Variants in CLEC2A observed in about 807,000 individuals in gnomAD.
CLEC2A encodes C-type lectin domain family 2 member A.
CLEC2A carries 19 observed loss-of-function variants against 18.6 expected under a neutral mutation model. The ratio of observed to expected loss-of-function variants is 1.02; its 90% CI spans 0.71 to 1.50. The LOEUF is 1.50. Among genes scored for constraint, CLEC2A ranks in the 40% most tolerant of loss-of-function variants. The pLI, the probability that CLEC2A is intolerant of heterozygous loss-of-function variation, is 0.00. For missense variants in CLEC2A, 190 were observed against 207.9 expected (o/e 0.91, Z 0.53); for synonymous variants, 74 against 64.0 (o/e 1.16, Z -0.75).
At chr12:9,904,512 C>T (rs1283018499) in intron 4 of CLEC2A, among the ~76,000 whole-genome samples, 1 of 152,158 alleles carries the variant, frequency 6.6e-6, no homozygotes, top group Non-Finnish European at 1.5e-5. Context: ...ACAACCATTA[C>T]CTTAGTTGGG....
downstream of CLEC2A, among the ~76,000 whole-genome samples, chr12:9,898,051 AG>A (rs1461574983): frequency 2.0e-5 from 3 of 152,252 alleles, no homozygotes; most frequent in Admixed American, 6.5e-5. Context: ...GCATAAAATG[AG>A]TATTTGAAGG....
At chr12:9,892,653 C>T in the CLEC2A span, among the ~76,000 whole-genome samples, 2 of 144,872 alleles carry the variant, frequency 1.4e-5, no homozygotes, top group South Asian at 4.4e-4. Context: ...GGCTCGATCA[C>T]GGCTCACCGC....
intron 2 of CLEC2A, among the ~76,000 whole-genome samples, chr12:9,924,667 T>C (rs1444675013): frequency 6.6e-6 from 1 of 152,192 alleles, no homozygotes; most frequent in Admixed American, 6.6e-5. Context: ...TTTACAAATA[T>C]TGCAATTCCA....
intron 1 of CLEC2A, among the ~76,000 whole-genome samples, chr12:9,930,506 C>T (rs1273597493): frequency 6.6e-6 from 1 of 152,028 alleles, no homozygotes; most frequent in Non-Finnish European, 1.5e-5. Flanking sequence ...TTTCTAATAG[C>T]CACCATTTGA....
At chr12:9,911,678 A>G (rs1862988591), downstream of CLEC2A, among the ~76,000 whole-genome samples, 1 of 152,250 alleles carries the variant, frequency 6.6e-6, no homozygotes, top group Non-Finnish European at 1.5e-5. Flanking sequence ...CCTTAAAAAA[A>G]TACTTGATCC....
intron 4 of CLEC2A, among the ~76,000 whole-genome samples, chr12:9,907,785 T>A (rs1392395693): frequency 6.6e-6 from 1 of 152,190 alleles, no homozygotes; most frequent in Non-Finnish European, 1.5e-5. Flanking sequence ...CCATCAGTAC[T>A]GTTGTTTCTG....
At chr12:9,926,434 T>A in intron 1 of CLEC2A, 91 bp from the exon 2 acceptor site, 1 of 790,328 alleles carries the variant, frequency 1.3e-6, no homozygotes, top group Non-Finnish European at 2.1e-6. Flanking sequence ...TAATTGTTAA[T>A]CAGGAAACCC....
chr12:9,923,392 C>CTTACTGT, intron 2 of CLEC2A, among the ~76,000 whole-genome samples: 4 of 151,648 alleles, frequency 2.6e-5, no homozygotes, highest in African/African-American at 7.3e-5. Flanking sequence ...CATCTCGCAC[C>CTTACTGT]AGTTAGAATG....
At chr12:9,888,781 G>A in the CLEC2A span, 25 of 1,496,098 alleles carry the variant, frequency 1.7e-5, no homozygotes, top group Non-Finnish European at 2.2e-5. Flanking sequence ...AGTCTATCAG[G>A]TAATACTCTT....
intron 1 of CLEC2A, among the ~76,000 whole-genome samples, chr12:9,930,931 A>G (rs1385285453): frequency 1.3e-5 from 2 of 151,894 alleles, no homozygotes; most frequent in East Asian, 3.9e-4. Flanking sequence ...AGTGTTCTTT[A>G]TTTCAAACAC....
intron 1 of CLEC2A, among the ~76,000 whole-genome samples, chr12:9,928,291 C>A (rs532642724): frequency 6.6e-6 from 1 of 152,200 alleles, no homozygotes; most frequent in African/African-American, 2.4e-5. Context: ...CATGGTGAGA[C>A]CCCTTCTCTA....
At chr12:9,889,862 T>C in the CLEC2A span, among the ~76,000 whole-genome samples, 4 of 152,096 alleles carry the variant, frequency 2.6e-5, no homozygotes, top group Admixed American at 2.0e-4. Context: ...ATATATAAAG[T>C]TAAATAATCC....
At chr12:9,923,290 A>G (rs1051204402) in intron 2 of CLEC2A, among the ~76,000 whole-genome samples, 2 of 152,254 alleles carry the variant, frequency 1.3e-5, no homozygotes, top group African/African-American at 4.8e-5. Flanking sequence ...ACACTTCTCA[A>G]AGAAGACATT....
intron 1 of CLEC2A, among the ~76,000 whole-genome samples, chr12:9,931,186 C>G (rs1377927591): frequency 3.9e-5 from 6 of 152,198 alleles, no homozygotes; most frequent in African/African-American, 1.4e-4. Flanking sequence ...ACTCTCTAAA[C>G]TCTTAAATCT....
the CLEC2A span, among the ~76,000 whole-genome samples, chr12:9,888,387 G>A: frequency 1.3e-5 from 2 of 152,026 alleles, no homozygotes; most frequent in Non-Finnish European, 2.9e-5. Flanking sequence ...ATGCTCGGGA[G>A]GCTGAGGTAG....
At chr12:9,931,802 A>T (rs928177946) in intron 1 of CLEC2A, among the ~76,000 whole-genome samples, 6 of 152,130 alleles carry the variant, frequency 3.9e-5, no homozygotes, top group African/African-American at 1.4e-4. Flanking sequence ...GGGTGTTTGT[A>T]TGTGTACCTT....
At chr12:9,888,045 A>G in the CLEC2A span, among the ~76,000 whole-genome samples, 1 of 110,770 alleles carries the variant, frequency 9.0e-6, no homozygotes, top group Non-Finnish European at 1.8e-5. Context: ...ACAAAGCCAG[A>G]CCCTGTGTCA....
chr12:9,929,078 A>T (rs1863328665), intron 1 of CLEC2A, among the ~76,000 whole-genome samples: 1 of 152,204 alleles, frequency 6.6e-6, no homozygotes, highest in African/African-American at 2.4e-5. Context: ...CACTTCTAGT[A>T]TACAGAAATA....
chr12:9,899,145 T>G (rs1248208168), intron 4 of CLEC2A, among the ~76,000 whole-genome samples: 1 of 152,096 alleles, frequency 6.6e-6, no homozygotes, highest in Admixed American at 6.5e-5. Flanking sequence ...ATTACCCTTT[T>G]GCAGGCATGT....
Sources: gnomAD v4.1 joint callset for allele counts (sites outside exome capture counted in the v4.1 genomes callset) on GRCh38, gnomAD v4.1.1 for gene constraint, MANE v1.5 for transcripts, NCBI Gene and HGNC (gene_info 2026-07-23, HGNC 2026-07-21) for gene names.